The following PDE4D variants were observed in gnomAD, a reference collection of about 807,000 sequenced individuals.
PDE4D encodes phosphodiesterase 4D.
Under a neutral mutation model 87.4 loss-of-function variants are expected in PDE4D, and 24 were observed. The observed-to-expected ratio is 0.27, with a 90% CI of 0.20 to 0.39. PDE4D has a LOEUF of 0.39. Ranked by LOEUF, PDE4D falls within the 10% of genes least tolerant of loss-of-function variation. The pLI, the probability that PDE4D is intolerant of heterozygous loss-of-function variation, is 1.00. For synonymous variants in PDE4D, 384 were observed against 383.2 expected, an observed-to-expected ratio of 1.00 and a Z score of -0.02; for missense variants, 714 against 1,041.0, an observed-to-expected ratio of 0.69 and a Z score of 4.32.
chr5:59,957,329 TAGAC>T (rs1240304218), intron 3 of PDE4D, among the ~76,000 whole-genome samples: 1 of 152,108 alleles, frequency 6.6e-6, no homozygotes, highest in Non-Finnish European at 1.5e-5. Flanking sequence ...AGTATAGAAT[TAGAC>T]AGACATTTTT....
intron 1 of PDE4D, chr5:59,558,470 A>G (rs1392381144): frequency 6.6e-6 from 1 of 152,196 alleles, no homozygotes; most frequent in African/African-American, 2.4e-5. Context: ...TGAGAAAAAA[A>G]AAGTATTTTC....
chr5:59,694,308 G>A (rs1040047468), intron 1 of PDE4D, among the ~76,000 whole-genome samples: 4 of 152,154 alleles, frequency 2.6e-5, no homozygotes, highest in Admixed American at 6.5e-5. Flanking sequence ...CAGGTTGGCC[G>A]TCTTCGCTGG....
intron 1 of PDE4D, among the ~76,000 whole-genome samples, chr5:60,434,083 A>T (rs1435651801): frequency 2.0e-5 from 3 of 152,320 alleles, no homozygotes; most frequent in African/African-American, 7.2e-5. Flanking sequence ...ATTTAAAAAA[A>T]AAAGATTTCA....
At position 58,972,577 on chromosome 5, in the gene PDE4D, G is replaced by GTAAT. The variant is rs1427670568; in HGVS notation, c.*2083_*2086dup. 1 of 152,116 alleles carries GTAAT rather than the reference G, an allele frequency of 6.6e-6. No individual in the cohort carries two copies. Among genetic ancestry groups the GTAAT allele is most frequent in the South Asian group, 2.1e-4 (1 of 4,828 alleles). 9.4% of individuals were successfully genotyped at this position (152,116 alleles called of 1,614,324 possible). ...CCACATATAAATGCTTTTCAGAGTT[G>GTAAT]TAATTCTTCTTAAACGTTTGATTTT... On this transcript the variant is annotated 3_prime_UTR_variant, in exon 15 of 15. Coordinates refer to ENST00000340635, the MANE Select transcript of PDE4D (RefSeq NM_001104631.2).
chr5:59,532,430 A>T (rs960175975), intron 1 of PDE4D, among the ~76,000 whole-genome samples: 1 of 152,158 alleles, frequency 6.6e-6, no homozygotes. Context: ...GAGCCAATGC[A>T]TCTGGCTAGC....
intron 2 of PDE4D, among the ~76,000 whole-genome samples, chr5:60,048,113 T>G (rs1463834026): frequency 1.3e-5 from 2 of 152,072 alleles, no homozygotes; most frequent in Non-Finnish European, 2.9e-5. Flanking sequence ...CCTTTACCAT[T>G]ATGTAATGGC....
intron 1 of PDE4D, among the ~76,000 whole-genome samples, chr5:60,243,981 G>A (rs967722636): frequency 6.6e-6 from 1 of 151,828 alleles, no homozygotes; most frequent in Non-Finnish European, 1.5e-5. Context: ...AAAAAACACA[G>A]GGTATCCGAA....
intron 1 of PDE4D, among the ~76,000 whole-genome samples, chr5:60,305,659 CAG>C (rs917979133): frequency 1.5e-4 from 20 of 136,544 alleles, no homozygotes; most frequent in Non-Finnish European, 2.5e-4. Context: ...ACTGAGTAAA[CAG>C]AAAAAAAAAT....
intron 1 of PDE4D, among the ~76,000 whole-genome samples, chr5:59,728,947 T>A (rs1470343796): frequency 2.6e-5 from 4 of 152,126 alleles, no homozygotes; most frequent in African/African-American, 7.2e-5. Flanking sequence ...TATAATATTA[T>A]GGCTCCCAGA....
intron 1 of PDE4D, among the ~76,000 whole-genome samples, chr5:60,277,465 A>C (rs1364353674): frequency 6.6e-6 from 1 of 152,176 alleles, no homozygotes; most frequent in East Asian, 1.9e-4. Context: ...ATAATGATCT[A>C]TCCAAACAAG....
At chr5:59,378,615 T>C (rs528093258) in intron 1 of PDE4D, among the ~76,000 whole-genome samples, 1 of 152,286 alleles carries the variant, frequency 6.6e-6, no homozygotes, top group African/African-American at 2.4e-5. Flanking sequence ...GTTCACCCTT[T>C]TAGGTATGTT....
chr5:59,536,713 C>T (rs916836786), intron 1 of PDE4D, among the ~76,000 whole-genome samples: 1 of 151,944 alleles, frequency 6.6e-6, no homozygotes, highest in African/African-American at 2.4e-5. Flanking sequence ...CCCTTACAGG[C>T]TTTTGAAAAG....
chr5:59,678,914 T>C lies in PDE4D; in HGVS notation c.455+214254A>G, dbSNP rs770084371. The stretch of plus-strand genomic sequence containing the variant: ...CATATTTTGACATGGAGTGTTACCA[T>C]TGTAACTGTACAAAATTTACAATCT... On this transcript the variant is annotated intron_variant, in intron 1 of 14. Transcript: ENST00000340635. Among the ~76,000 whole-genome samples, 4 of 152,358 alleles carry C rather than the reference T, an allele frequency of 2.6e-5. No individual in the cohort carries two copies. The South Asian group carries it at 6.2e-4, about 24-fold the overall frequency.
chr5:59,547,275 A>G (rs1817428077), intron 1 of PDE4D, among the ~76,000 whole-genome samples: 1 of 152,184 alleles, frequency 6.6e-6, no homozygotes, highest in African/African-American at 2.4e-5. Context: ...AATTTTATTT[A>G]TCTATGAACT....
intron 1 of PDE4D, among the ~76,000 whole-genome samples, chr5:60,316,369 C>G (rs1349469357): frequency 6.6e-6 from 1 of 152,122 alleles, no homozygotes; most frequent in Non-Finnish European, 1.5e-5. Context: ...TGCCTATCAG[C>G]TTAAGGAGAT....
At chr5:59,360,393 T>C (rs1782023649) in intron 1 of PDE4D, among the ~76,000 whole-genome samples, 1 of 152,134 alleles carries the variant, frequency 6.6e-6, no homozygotes, top group Non-Finnish European at 1.5e-5. Context: ...AAATAGTCTC[T>C]GGTTACAGAC....
intron 1 of PDE4D, among the ~76,000 whole-genome samples, chr5:59,676,471 A>G (rs575891735): frequency 1.3e-5 from 2 of 152,296 alleles, no homozygotes; most frequent in Admixed American, 1.3e-4. Context: ...TATGATACAG[A>G]TTAAACCAAA....
chr5:59,228,898 T>G (rs747105529), intron 1 of PDE4D, among the ~76,000 whole-genome samples: 2 of 152,152 alleles, frequency 1.3e-5, no homozygotes, highest in African/African-American at 2.4e-5. Flanking sequence ...CAGTTCTCTT[T>G]GCCTGGCATA....
At chr5:59,425,913 T>C (rs753101104) in intron 1 of PDE4D, among the ~76,000 whole-genome samples, 28 of 152,268 alleles carry the variant, frequency 1.8e-4, no homozygotes, top group Middle Eastern at 3.4e-3. Context: ...CCAAAATTTG[T>C]ATGCTGAAGC....
Sources: allele counts gnomAD v4.1 joint callset (sites outside exome capture counted in the v4.1 genomes callset), GRCh38; gene constraint gnomAD v4.1.1; transcripts MANE v1.5; gene names NCBI Gene and HGNC (gene_info 2026-07-23, HGNC 2026-07-21).